Variants in TLR5 observed in about 807,000 individuals in gnomAD.
TLR5 encodes the protein toll-like receptor 5.
For synonymous variants in TLR5, 373 were observed against 384.4 expected, an observed-to-expected ratio of 0.97 and a Z score of 0.35; for missense variants, 944 against 999.8, an observed-to-expected ratio of 0.94 and a Z score of 0.75.
At chr1:223,129,214 A>T (rs978810354) in intron 5 of TLR5, 6 of 152,328 alleles carry the variant, frequency 3.9e-5, no homozygotes, top group African/African-American at 1.4e-4. Context: ...CTGCACGTCT[A>T]CACCTGACGG....
Position 223,115,948 on chromosome 1 carries a change from A to G in TLR5, c.-4-2913T>C, listed in dbSNP as rs144261173. Among the ~76,000 whole-genome samples, 409 of 152,338 alleles carry G rather than the reference A, an allele frequency of 2.7e-3. 3 individuals carry two copies. The highest frequency in any genetic ancestry group is 9.3e-3 in the African/African-American group (386 of 41,592). On this transcript the variant is annotated intron_variant, in intron 5 of 5. Transcript: ENST00000642603. ...CGCATTCCAAACTCTTTCCAGCCTC[A>G]GGACCTTCGCAAGTGCTGCTTCCTT...
chr1:223,110,217 T>A lies in TLR5; in HGVS notation c.*238A>T, dbSNP rs957534200. ...CGGTATTATTGGATCTGAAAGAAAATCAATGGAGACTGGAAACCTCTAAGG... is the reference window on the plus strand; with the variant it reads ...CGGTATTATTGGATCTGAAAGAAAAACAATGGAGACTGGAAACCTCTAAGG... On this transcript the variant is annotated 3_prime_UTR_variant, in exon 6 of 6. Coordinates refer to ENST00000642603, the MANE Select transcript of TLR5 (RefSeq NM_003268.6). 7.2e-6 allele frequency: 4 copies of A among 555,330 alleles called. No homozygotes were observed. The highest frequency in any genetic ancestry group is 3.8e-5 in the African/African-American group (2 of 52,960). The allele number at this position is 555,330 out of a possible 1,614,324, so 34.4% of individuals were successfully genotyped here. A position where few individuals can be genotyped will look rare whatever the true frequency, so the allele number is the denominator to read the frequency against.
intron 5 of TLR5, among the ~76,000 whole-genome samples, chr1:223,114,467 A>G (rs1656526013): frequency 1.3e-5 from 2 of 152,200 alleles, no homozygotes; most frequent in Non-Finnish European, 2.9e-5. Context: ...AAATAAATGA[A>G]AGAAATAGGA....
chr1:223,133,673 T>A (rs1393006089), intron 4 of TLR5, among the ~76,000 whole-genome samples: 5 of 152,224 alleles, frequency 3.3e-5, no homozygotes, highest in African/African-American at 7.2e-5. Context: ...CCTCCCCATT[T>A]TTCTCAGCGC....
intron 5 of TLR5, 118 bp from the exon 6 acceptor site, chr1:223,113,153 C>A: frequency 1.1e-6 from 1 of 948,440 alleles, no homozygotes; most frequent in Non-Finnish European, 1.7e-6. Flanking sequence ...CCCCTTCATT[C>A]CTCTGACTCC....
At chr1:223,133,943 G>A (rs1336158189) in intron 4 of TLR5, among the ~76,000 whole-genome samples, 1 of 152,222 alleles carries the variant, frequency 6.6e-6, no homozygotes, top group Admixed American at 6.5e-5. Context: ...CCTGAGCTGA[G>A]CTCCGCTGGG....
At chr1:223,133,938 G>C (rs976238451) in intron 4 of TLR5, among the ~76,000 whole-genome samples, 2 of 152,220 alleles carry the variant, frequency 1.3e-5, no homozygotes, top group African/African-American at 4.8e-5. Context: ...GCGTCCCTGA[G>C]CTGAGCTCCG....
Position 223,134,616 on chromosome 1 carries a change from A to T in TLR5, c.-170+66T>A, listed in dbSNP as rs184921728. On this transcript the variant is annotated intron_variant, in intron 4 of 5. Transcript: ENST00000642603. ...TAATTTTTAGTGATTATTAAAAACG[A>T]ACAACTAGCACAACATTTAAAATCG... 2.0e-5 allele frequency: 3 copies of T among 152,484 alleles called. No homozygotes were observed. The East Asian group carries it at 5.6e-4, about 29-fold the overall frequency. The allele number at this position is 152,484 out of a possible 1,614,324, so 9.4% of individuals were successfully genotyped here.
intron 4 of TLR5, among the ~76,000 whole-genome samples, chr1:223,133,620 T>C (rs1213719992): frequency 2.0e-5 from 3 of 152,162 alleles, no homozygotes; most frequent in South Asian, 2.1e-4. Context: ...TGCTGCACGA[T>C]TGGTTTTGAG....
chr1:223,111,095 C>T lies in TLR5; in HGVS notation c.1937G>A (p.Cys646Tyr). The T allele has an allele frequency of 6.2e-7, 1 of 1,614,168 alleles. No individual in the cohort carries two copies. Among genetic ancestry groups the T allele is most frequent in the Non-Finnish European group, 8.5e-7 (1 of 1,180,044 alleles). Residue 646 changes from cysteine to tyrosine, a missense_variant, in exon 6 of 6, where the codon TGC (cysteine) becomes TAC (tyrosine). Coordinates refer to ENST00000642603, the MANE Select transcript of TLR5 (RefSeq NM_003268.6). ...KSLKFSLFIV[C>Y]TVTLTLFLMT... ...GAGGAACAGAGTCAGAGTGACAGTG[C>T]ATACAATGAAAAGGGAGAACTTTAG...
At chr1:223,113,989 C>T (rs1424159383) in intron 5 of TLR5, among the ~76,000 whole-genome samples, 3 of 152,162 alleles carry the variant, frequency 2.0e-5, no homozygotes, top group African/African-American at 4.8e-5. Context: ...TCCATTTATC[C>T]GACCTTACTC....
intron 5 of TLR5, among the ~76,000 whole-genome samples, chr1:223,125,429 G>A (rs1284566366): frequency 6.6e-6 from 1 of 152,130 alleles, no homozygotes; most frequent in African/African-American, 2.4e-5. Context: ...CAGGGACTTG[G>A]GCAGAGTGTG....
At chr1:223,136,816 T>G (rs1657631743) in intron 3 of TLR5, among the ~76,000 whole-genome samples, 1 of 152,138 alleles carries the variant, frequency 6.6e-6, no homozygotes, top group Non-Finnish European at 1.5e-5. Flanking sequence ...ATCAAATTAT[T>G]TATTGACTGT....
At position 223,117,566 on chromosome 1, in the gene TLR5, A is replaced by C. The variant is rs1308427878; in HGVS notation, c.-4-4531T>G. Among the ~76,000 whole-genome samples, 13 of 20,794 alleles carry C rather than the reference A, an allele frequency of 6.3e-4. No homozygotes were observed. The African/African-American group carries it at 8.5e-3, about 14-fold the overall frequency. The allele number at this position is 20,794 out of a possible 152,430, so 13.6% of individuals were successfully genotyped here. ...CAGAAAGAAGCATGGTGTTCACAAAAAAAAAAAAAAAAAAAAAGAAAAGAA... is the reference window on the plus strand; with the variant it reads ...CAGAAAGAAGCATGGTGTTCACAAACAAAAAAAAAAAAAAAAAGAAAAGAA... On this transcript the variant is annotated intron_variant, in intron 5 of 5. Transcript: ENST00000642603.
intron 2 of TLR5, among the ~76,000 whole-genome samples, chr1:223,140,988 C>T (rs1218527178): frequency 1.3e-5 from 2 of 152,220 alleles, no homozygotes; most frequent in African/African-American, 4.8e-5. Flanking sequence ...ACACTATACG[C>T]TGTTGCTCTC....
chr1:223,136,414 GGTTGCTGGCCAGA>G (rs1240961377), intron 3 of TLR5, among the ~76,000 whole-genome samples: 1 of 152,178 alleles, frequency 6.6e-6, no homozygotes, highest in African/African-American at 2.4e-5. Context: ...TGATTTCTAT[GGTTGCTGGCCAGA>G]TGAGATGAAG....
At chr1:223,135,944 C>T (rs1330165284) in intron 3 of TLR5, among the ~76,000 whole-genome samples, 1 of 152,134 alleles carries the variant, frequency 6.6e-6, no homozygotes, top group Admixed American at 6.5e-5. Flanking sequence ...TGTATTTCTG[C>T]TTTCCTAGGC....
chr1:223,139,477 GC>G (rs1246739161), intron 2 of TLR5, among the ~76,000 whole-genome samples: 1 of 152,178 alleles, frequency 6.6e-6, no homozygotes, highest in Non-Finnish European at 1.5e-5. Context: ...AGCCTGAGGG[GC>G]CTCTGCACAT....
intron 5 of TLR5, among the ~76,000 whole-genome samples, chr1:223,130,689 T>G (rs1657365129): frequency 6.6e-6 from 1 of 152,238 alleles, no homozygotes; most frequent in Non-Finnish European, 1.5e-5. Flanking sequence ...TGTTGCTTCC[T>G]TCTTCCTTAT....
Sources: gnomAD v4.1 joint callset for allele counts (sites outside exome capture counted in the v4.1 genomes callset) on GRCh38, gnomAD v4.1.1 for gene constraint, MANE v1.5 for transcripts, NCBI Gene and HGNC (gene_info 2026-07-23, HGNC 2026-07-21) for gene names.